The following ACBD6 variants were observed in gnomAD, a reference collection of about 807,000 sequenced individuals.
The protein encoded by ACBD6 is acyl-CoA binding domain containing 6.
ACBD6 carries 28 observed loss-of-function variants against 37.2 expected under a neutral mutation model. The observed-to-expected ratio is 0.75, with a 90% CI of 0.56 to 1.03. The LOEUF (loss-of-function observed/expected upper bound fraction) is 1.03. Among genes scored for constraint, ACBD6 ranks in the 50% least tolerant of loss-of-function variants. The pLI is 0.00. For synonymous variants in ACBD6, 113 were observed against 126.8 expected (o/e 0.89, Z 0.73); for missense variants, 340 against 337.4 (o/e 1.01, Z -0.06).
chr1:180,350,707 C>T (rs1652376960), intron 6 of ACBD6, among the ~76,000 whole-genome samples: 1 of 152,182 alleles, frequency 6.6e-6, no homozygotes, highest in Non-Finnish European at 1.5e-5. Flanking sequence ...CTAGCCTTTA[C>T]AGTACAAGAT....
intron 5 of ACBD6, among the ~76,000 whole-genome samples, chr1:180,404,604 T>C (rs1308670135): frequency 2.0e-5 from 3 of 152,208 alleles, no homozygotes; most frequent in Admixed American, 6.5e-5. Flanking sequence ...ACTACAGGCA[T>C]GTGCCACCAT....
At chr1:180,479,559 A>C (rs991092692) in intron 3 of ACBD6, among the ~76,000 whole-genome samples, 1 of 152,212 alleles carries the variant, frequency 6.6e-6, no homozygotes, top group Non-Finnish European at 1.5e-5. Flanking sequence ...ACAGTAAGAA[A>C]GAAGGAATAA....
rs186469480 is a variant in ACBD6, at chr1:180,428,183, T to A, written c.467+1997A>T. On this transcript the variant is annotated intron_variant, in intron 4 of 7. Transcript: ENST00000367595. ...GAAGATTTAGATGATATCATAAGAC[T>A]AATACTTAATGAAGACTTCATGAAA... Among the ~76,000 whole-genome samples, 71 of 152,214 alleles carry A rather than the reference T, an allele frequency of 4.7e-4. No individual in the cohort carries two copies. The East Asian group carries it at 0.013, about 28-fold the overall frequency.
At chr1:180,448,474 T>TAA (rs943143009) in intron 3 of ACBD6, among the ~76,000 whole-genome samples, 23 of 152,304 alleles carry the variant, frequency 1.5e-4, no homozygotes, top group African/African-American at 5.1e-4. Context: ...CTAGGATACT[T>TAA]AGCTCTTGCC....
intron 3 of ACBD6, among the ~76,000 whole-genome samples, chr1:180,470,309 T>C (rs1188915219): frequency 6.6e-6 from 1 of 152,128 alleles, no homozygotes; most frequent in Non-Finnish European, 1.5e-5. Flanking sequence ...TGAAGCTATA[T>C]GAAATTCCAG....
In ACBD6 at chr1:180,271,112, C is replaced by A. The variant is rs1479904758; in HGVS notation, c.*2113G>T. On this transcript the variant is annotated 3_prime_UTR_variant, in exon 14 of 14. Coordinates refer to the ACBD6 transcript ENST00000642319. The stretch of plus-strand genomic sequence containing the variant: ...CATTCAATCTGATGAGACTTCTGTG[C>A]AGCTGGGCTGGCAGGGGAGGGTTGA... 7.5e-6 allele frequency: 4 copies of A among 535,804 alleles called. No homozygotes were observed. In the Admixed American group the frequency reaches 1.2e-4, roughly 16 times the overall value. 33.2% of individuals were successfully genotyped at this position (535,804 alleles called of 1,614,324 possible). A position where few individuals can be genotyped will look rare whatever the true frequency, so the allele number is the denominator to read the frequency against.
At chr1:180,299,739 C>T (rs1225504325) in intron 7 of ACBD6, among the ~76,000 whole-genome samples, 1 of 151,886 alleles carries the variant, frequency 6.6e-6, no homozygotes, top group Non-Finnish European at 1.5e-5. Flanking sequence ...TTGATTTCCC[C>T]TGGGAGACAC....
intron 3 of ACBD6, among the ~76,000 whole-genome samples, chr1:180,457,488 TA>T (rs1649970299): frequency 2.2e-5 from 1 of 45,726 alleles, no homozygotes; most frequent in Non-Finnish European, 1.0e-4. Context: ...TAGGGATCAC[TA>T]ACCTACAAGA....
chr1:180,461,577 C>A (rs1056051829), intron 3 of ACBD6, among the ~76,000 whole-genome samples: 5 of 152,190 alleles, frequency 3.3e-5, no homozygotes, highest in African/African-American at 4.8e-5. Context: ...TCAATGGAAA[C>A]CCTGCAAGCC....
chr1:180,346,188 T>C (rs1037212760), intron 6 of ACBD6, among the ~76,000 whole-genome samples: 2 of 152,212 alleles, frequency 1.3e-5, no homozygotes, highest in African/African-American at 4.8e-5. Flanking sequence ...AAGGACCAAG[T>C]AGTCACAAAC....
chr1:180,379,632 C>T (rs549713698), intron 6 of ACBD6, among the ~76,000 whole-genome samples: 3 of 151,994 alleles, frequency 2.0e-5, no homozygotes, highest in African/African-American at 7.2e-5. Flanking sequence ...AAAGCTTCAA[C>T]AACAGAATAG....
In ACBD6 at chr1:180,295,818, C is replaced by T. The variant is rs74857134; in HGVS notation, c.695-7301G>A. Reference sequence around the variant, plus strand: ...AACAGCCAATCCCTCGTCTATCCCTCTCCTTGGGTCTCCCTATTCCCTGAG... The same window carrying T: ...AACAGCCAATCCCTCGTCTATCCCTTTCCTTGGGTCTCCCTATTCCCTGAG... On this transcript the variant is annotated intron_variant, in intron 7 of 7. Coordinates refer to ENST00000367595, the MANE Select transcript of ACBD6 (RefSeq NM_032360.4). Among the ~76,000 whole-genome samples the T allele has an allele frequency of 6.7e-3, 1,016 of 152,264 alleles. 17 individuals carry two copies. The highest frequency in any genetic ancestry group is 0.023 in the African/African-American group (970 of 41,526).
At chr1:180,500,892 T>C (rs1008038973) in intron 1 of ACBD6, among the ~76,000 whole-genome samples, 3 of 151,054 alleles carry the variant, frequency 2.0e-5, no homozygotes, top group Non-Finnish European at 4.4e-5. Flanking sequence ...CAAAGTGTCA[T>C]GATGTTTTTG....
intron 7 of ACBD6, among the ~76,000 whole-genome samples, chr1:180,294,701 G>GTT (rs557914420): frequency 4.9e-5 from 7 of 143,128 alleles, no homozygotes; most frequent in Non-Finnish European, 9.2e-5. Flanking sequence ...TTTGCCTTTT[G>GTT]TTTTTTTTTT....
In ACBD6 at chr1:180,435,559, T is replaced by C; in HGVS notation, c.385-5297A>G. ...AGCGACCATGCCCAGCCTGGATGAA[T>C]TTTGAGACTGCAAAGTCCCGAGTAA... On this transcript the variant is annotated intron_variant, in intron 3 of 7. Transcript: ENST00000367595. 3.1e-6 allele frequency: 3 copies of C among 976,614 alleles called. No homozygotes were observed. In the South Asian group the frequency reaches 4.4e-5, roughly 14 times the overall value. 60.5% of individuals were successfully genotyped at this position (976,614 alleles called of 1,614,324 possible). A position where few individuals can be genotyped will look rare whatever the true frequency, so the allele number is the denominator to read the frequency against.
chr1:180,374,833 A>T (rs1653377889), intron 6 of ACBD6, among the ~76,000 whole-genome samples: 1 of 152,194 alleles, frequency 6.6e-6, no homozygotes, highest in Non-Finnish European at 1.5e-5. Flanking sequence ...TAAAAACCTC[A>T]AACATATGAA....
At chr1:180,480,213 G>A (rs116392494) in intron 3 of ACBD6, among the ~76,000 whole-genome samples, 38 of 152,210 alleles carry the variant, frequency 2.5e-4, no homozygotes, top group African/African-American at 8.7e-4. Flanking sequence ...AGTCACGTCC[G>A]AAGCAATGTG....
At chr1:180,469,293 ACATTG>A (rs1245855429) in intron 3 of ACBD6, among the ~76,000 whole-genome samples, 1 of 152,196 alleles carries the variant, frequency 6.6e-6, no homozygotes. Flanking sequence ...AGTCCAACAA[ACATTG>A]GTAGTTTTGA....
chr1:180,429,332 T>C (rs1473719255), intron 4 of ACBD6, among the ~76,000 whole-genome samples: 1 of 152,230 alleles, frequency 6.6e-6, no homozygotes, highest in African/African-American at 2.4e-5. Context: ...CTACTCTAAA[T>C]ACCTTATGTA....
Sources: allele counts gnomAD v4.1 joint callset (sites outside exome capture counted in the v4.1 genomes callset), GRCh38; gene constraint gnomAD v4.1.1; transcripts MANE v1.5; gene names NCBI Gene and HGNC (gene_info 2026-07-23, HGNC 2026-07-21).